The following DAPK1 variants were observed in gnomAD, a reference collection of about 807,000 sequenced individuals.
The protein encoded by DAPK1 is death-associated protein kinase 1.
A neutral mutation model predicts 144.9 loss-of-function variants in DAPK1; 56 were observed. The observed-to-expected ratio is 0.39, with a 90% confidence interval of 0.31 to 0.48. The LOEUF is 0.48. DAPK1 is among the 20% of genes least tolerant of loss of function. DAPK1 has a pLI of 0.95. For missense variants in DAPK1, 1,454 were observed against 1,875.4 expected (o/e 0.78, Z 4.15); for synonymous variants, 690 against 749.0 (o/e 0.92, Z 1.29).
Position 87,678,673 on chromosome 9 carries a change from T to A in DAPK1, c.2002-2731T>A, listed in dbSNP as rs113634819. 6.7e-3 allele frequency among the ~76,000 whole-genome samples: 1,024 copies of A among 152,272 alleles called. 17 individuals are homozygous for A. Among genetic ancestry groups the A allele is most frequent in the African/African-American group, 0.022 (932 of 41,534 alleles). Reference sequence around the variant, plus strand: ...GTAGTTAAGTTCTCAGCTCAGATGATTGTAAACAGGCTTTTCCCCTATATA... The same window carrying A: ...GTAGTTAAGTTCTCAGCTCAGATGAATGTAAACAGGCTTTTCCCCTATATA... On this transcript the variant is annotated intron_variant, in intron 19 of 25. Coordinates refer to ENST00000408954, the MANE Select transcript of DAPK1 (RefSeq NM_004938.4).
At chr9:87,633,490 G>A in intron 3 of DAPK1, 5 of 510,614 alleles carry the variant, frequency 9.8e-6, no homozygotes, top group Non-Finnish European at 1.3e-5. Flanking sequence ...CCATGACATG[G>A]ACTGCTTCAT....
chr9:87,662,559 A>AGTTT (rs1554700225), intron 18 of DAPK1, among the ~76,000 whole-genome samples: 1 of 25,560 alleles, frequency 3.9e-5, no homozygotes, highest in African/African-American at 9.5e-5. Context: ...ATATATTCCT[A>AGTTT]GTTTTTTTTT....
chr9:87,630,175 T>A (rs540936319), intron 3 of DAPK1, among the ~76,000 whole-genome samples: 1 of 152,222 alleles, frequency 6.6e-6, no homozygotes, highest in African/African-American at 2.4e-5. Flanking sequence ...ATAAGATAAT[T>A]GTCATGATTA....
chr9:87,557,680 C>A (rs1587716700), intron 2 of DAPK1, among the ~76,000 whole-genome samples: 1 of 152,246 alleles, frequency 6.6e-6, no homozygotes, highest in Non-Finnish European at 1.5e-5. Flanking sequence ...GTAGCTTATG[C>A]TTATAATCAC....
chr9:87,543,013 A>G (rs993559706), intron 2 of DAPK1, among the ~76,000 whole-genome samples: 2 of 152,214 alleles, frequency 1.3e-5, no homozygotes, highest in Admixed American at 1.3e-4. Flanking sequence ...ACAAATTTTT[A>G]TTGCTTTTGC....
At chr9:87,577,675 G>T (rs1461591641) in intron 2 of DAPK1, among the ~76,000 whole-genome samples, 7 of 152,206 alleles carry the variant, frequency 4.6e-5, no homozygotes, top group Admixed American at 4.6e-4. Context: ...ATGCAGGGCT[G>T]TAGTCCCAGC....
At chr9:87,524,485 A>C (rs1825412462) in intron 2 of DAPK1, among the ~76,000 whole-genome samples, 1 of 152,188 alleles carries the variant, frequency 6.6e-6, no homozygotes, top group Admixed American at 6.5e-5. Flanking sequence ...CCTCTTTCTC[A>C]GAGCCTAACA....
At chr9:87,615,568 G>A (rs1293032692) in intron 3 of DAPK1, among the ~76,000 whole-genome samples, 1 of 152,178 alleles carries the variant, frequency 6.6e-6, no homozygotes, top group Non-Finnish European at 1.5e-5. Flanking sequence ...AAAAATGTAG[G>A]GTAGAACGTT....
Position 87,640,412 on chromosome 9 carries a change from C to T in DAPK1, c.744C>T (p.Ala248=), listed in dbSNP as rs752416613. The change falls in exon 8 of 26, where the codon GCC becomes GCT. Residue 248 remains alanine, a synonymous_variant. Transcript: ENST00000408954. ...DEYFSNTSAL[A]KDFIRRLLVK... ...ACTTCAGTAATACCAGTGCCCTAGC[C>T]AAAGATTTCATAAGAAGACTTCTGG... 21 of 1,614,064 alleles carry T rather than the reference C, an allele frequency of 1.3e-5. No homozygotes were observed. The South Asian group carries it at 2.2e-4, about 17-fold the overall frequency.
chr9:87,698,515 G>A, intron 22 of DAPK1, 141 bp from the exon 23 acceptor site: 3 of 665,434 alleles, frequency 4.5e-6, no homozygotes, highest in South Asian at 1.8e-5. Flanking sequence ...GCAGGCGTGG[G>A]GCCTTCATCT....
intron 2 of DAPK1, among the ~76,000 whole-genome samples, chr9:87,570,162 A>G (rs1296868078): frequency 6.6e-6 from 1 of 152,188 alleles, no homozygotes; most frequent in Non-Finnish European, 1.5e-5. Context: ...CAGGAAAAAG[A>G]AGGCACAAAC....
intron 21 of DAPK1, among the ~76,000 whole-genome samples, chr9:87,687,192 C>G (rs1824895930): frequency 6.6e-6 from 1 of 152,132 alleles, no homozygotes; most frequent in South Asian, 2.1e-4. Context: ...TAACTATAGT[C>G]ACCCTATTCT....
intron 2 of DAPK1, among the ~76,000 whole-genome samples, chr9:87,548,871 C>A (rs936430486): frequency 4.8e-5 from 7 of 145,586 alleles, no homozygotes; most frequent in African/African-American, 1.5e-4. Flanking sequence ...GTAAAGAATG[C>A]ATCCTTTTGG....
chr9:87,552,406 A>T (rs1826528886), intron 2 of DAPK1, among the ~76,000 whole-genome samples: 1 of 133,892 alleles, frequency 7.5e-6, no homozygotes, highest in Non-Finnish European at 1.7e-5. Context: ...GTGACGGGGC[A>T]CCACTTTCTG....
chr9:87,577,551 A>G (rs1429518782), intron 2 of DAPK1, among the ~76,000 whole-genome samples: 1 of 152,134 alleles, frequency 6.6e-6, no homozygotes, highest in East Asian at 1.9e-4. Flanking sequence ...TAATCCCAGC[A>G]CTTTGGGAGG....
intron 2 of DAPK1, chr9:87,525,228 C>A: frequency 9.8e-7 from 1 of 1,023,106 alleles, no homozygotes; most frequent in Non-Finnish European, 1.5e-6. Flanking sequence ...TCACCCTACC[C>A]AATGCAGTGC....
intron 15 of DAPK1, among the ~76,000 whole-genome samples, chr9:87,649,513 A>G (rs1161070505): frequency 6.6e-6 from 1 of 152,224 alleles, no homozygotes; most frequent in African/African-American, 2.4e-5. Flanking sequence ...GTGGTTACCT[A>G]CTGTTAGTAG....
At chr9:87,561,520 C>T (rs572416184) in intron 2 of DAPK1, among the ~76,000 whole-genome samples, 52 of 121,124 alleles carry the variant, frequency 4.3e-4, no homozygotes, top group African/African-American at 1.6e-3. Context: ...AGCGAGACTC[C>T]GTCTCAAAAG....
chr9:87,505,194 A>G (rs1824540059), intron 2 of DAPK1, among the ~76,000 whole-genome samples: 1 of 152,212 alleles, frequency 6.6e-6, no homozygotes, highest in South Asian at 2.1e-4. Flanking sequence ...TGTGTTAGGA[A>G]CTTTCATCCT....
Sources: gnomAD v4.1 joint callset for allele counts (sites outside exome capture counted in the v4.1 genomes callset) on GRCh38, gnomAD v4.1.1 for gene constraint, MANE v1.5 for transcripts, NCBI Gene and HGNC (gene_info 2026-07-23, HGNC 2026-07-21) for gene names.